Variants in ADAM23 observed in about 807,000 individuals in gnomAD.
The protein encoded by ADAM23 is disintegrin and metalloproteinase domain-containing protein 23.
In ADAM23, 33 loss-of-function variants were observed where a neutral mutation model predicts 120.1. The ratio of observed to expected loss-of-function variants is 0.27; its 90% CI spans 0.21 to 0.37. The LOEUF is 0.37. Among genes scored for constraint, ADAM23 ranks in the 10% least tolerant of loss-of-function variants. The pLI, the probability that ADAM23 is intolerant of heterozygous loss-of-function variation, is 1.00. For missense variants in ADAM23, 862 were observed against 1,058.2 expected (o/e 0.81, Z 2.57); for synonymous variants, 367 against 375.2 (o/e 0.98, Z 0.25).
At chr2:206,542,951 G>A (rs1697322552) in intron 5 of ADAM23, among the ~76,000 whole-genome samples, 1 of 152,122 alleles carries the variant, frequency 6.6e-6, no homozygotes, top group Admixed American at 6.5e-5. Context: ...TGAGTGAATA[G>A]TCCTATCTCA....
chr2:206,466,616 C>T (rs1695546619), intron 2 of ADAM23, among the ~76,000 whole-genome samples: 1 of 152,126 alleles, frequency 6.6e-6, no homozygotes, highest in Non-Finnish European at 1.5e-5. Flanking sequence ...CTCACTTGTC[C>T]ATTACTACGA....
chr2:206,530,508 C>T (rs1697030557), intron 3 of ADAM23, among the ~76,000 whole-genome samples: 1 of 151,792 alleles, frequency 6.6e-6, no homozygotes, highest in Non-Finnish European at 1.5e-5. Context: ...CAATCAGATC[C>T]TGAATAATGT....
At chr2:206,520,029 T>C (rs1363732492) in intron 3 of ADAM23, among the ~76,000 whole-genome samples, 1 of 151,934 alleles carries the variant, frequency 6.6e-6, no homozygotes, top group Non-Finnish European at 1.5e-5. Flanking sequence ...AAATAAAAAA[T>C]AAAAAGGAGC....
chr2:206,546,168 C>G (rs1442652423), intron 6 of ADAM23, among the ~76,000 whole-genome samples: 2 of 152,100 alleles, frequency 1.3e-5, no homozygotes, highest in African/African-American at 4.8e-5. Flanking sequence ...TGTTGCCTAC[C>G]TTTTGGTTAT....
At chr2:206,467,068 C>G (rs1695556339) in intron 2 of ADAM23, among the ~76,000 whole-genome samples, 1 of 150,748 alleles carries the variant, frequency 6.6e-6, no homozygotes, top group Non-Finnish European at 1.5e-5. Context: ...AATCACCTCC[C>G]AACAGTCCAC....
chr2:206,540,547 A>G (rs1287942077), intron 4 of ADAM23, among the ~76,000 whole-genome samples: 1 of 152,148 alleles, frequency 6.6e-6, no homozygotes, highest in East Asian at 1.9e-4. Context: ...ACCCACCAAT[A>G]CAAAGACAGG....
intron 3 of ADAM23, among the ~76,000 whole-genome samples, chr2:206,489,761 G>C (rs1490322929): frequency 6.6e-6 from 1 of 152,164 alleles, no homozygotes; most frequent in Non-Finnish European, 1.5e-5. Context: ...CTTCACCGTG[G>C]CTGCTGTGGT....
intron 4 of ADAM23, 115 bp downstream of exon 4, chr2:206,531,063 A>G: frequency 2.8e-6 from 2 of 718,346 alleles, no homozygotes; most frequent in Non-Finnish European, 2.2e-6. Context: ...GTGCTCTTTT[A>G]CAATGATACT....
intron 2 of ADAM23, among the ~76,000 whole-genome samples, chr2:206,479,730 G>T (rs1316825141): frequency 1.3e-5 from 2 of 151,980 alleles, no homozygotes; most frequent in Non-Finnish European, 2.9e-5. Context: ...GATACAGGAA[G>T]CCCACAAGTA....
intron 2 of ADAM23, among the ~76,000 whole-genome samples, chr2:206,457,008 A>G (rs1045556697): frequency 6.6e-6 from 1 of 152,190 alleles, no homozygotes; most frequent in Admixed American, 6.5e-5. Context: ...ACCATATACT[A>G]TAATAGCTGT....
chr2:206,481,983 A>G (rs756300294), intron 3 of ADAM23, among the ~76,000 whole-genome samples: 1 of 152,190 alleles, frequency 6.6e-6, no homozygotes, highest in East Asian at 1.9e-4. Context: ...GAGATTTTCT[A>G]TGTGGTTTTC....
At chr2:206,609,833 C>A in intron 24 of ADAM23, 77 bp from the exon 25 acceptor site, 1 of 1,197,446 alleles carries the variant, frequency 8.4e-7, no homozygotes, top group Non-Finnish European at 1.2e-6. Flanking sequence ...CTTCCTGAAA[C>A]TGCTTAACTG....
chr2:206,477,893 A>ATATATATATATATATATATAT (rs1199167461), intron 2 of ADAM23, among the ~76,000 whole-genome samples: 47 of 101,370 alleles, frequency 4.6e-4, no homozygotes, highest in African/African-American at 1.5e-3. Flanking sequence ...AAAAAAAAAA[A>ATATATATATATATATATATAT]AAAAATATAT....
At chr2:206,538,374 T>G (rs558975268) in intron 4 of ADAM23, among the ~76,000 whole-genome samples, 8 of 152,320 alleles carry the variant, frequency 5.3e-5, no homozygotes, top group South Asian at 2.1e-4. Context: ...ATTTTTAAAA[T>G]AGTTTAGCAT....
intron 4 of ADAM23, among the ~76,000 whole-genome samples, chr2:206,537,406 A>C (rs1232914686): frequency 6.6e-6 from 1 of 151,864 alleles, no homozygotes; most frequent in East Asian, 1.9e-4. Flanking sequence ...TGTTCTGAAG[A>C]CCCTGTCCAG....
rs1422977957 is a variant in ADAM23 at position 206,443,899 on chromosome 2, G to A, written c.33G>A (p.Pro11=). Reference sequence around the variant, plus strand: ...CGCCCGGCAGCAGCTCGCGGCAGCCGCCCCTGGCGGGCTGCAGCCTTGCCG... The same window carrying A: ...CGCCCGGCAGCAGCTCGCGGCAGCCACCCCTGGCGGGCTGCAGCCTTGCCG... The part of the protein sequence containing the change: MKPPGSSSRQ[P]PLAGCSLAGA... The change falls in exon 1 of 26, where the codon CCG becomes CCA. Residue 11 remains proline, a synonymous_variant. Coordinates refer to ENST00000264377, the MANE Select transcript of ADAM23 (RefSeq NM_003812.4). 5.9e-6 allele frequency: 7 copies of A among 1,181,252 alleles called. No homozygotes were observed. In the African/African-American group the frequency reaches 8.1e-5, roughly 14 times the overall value. 73.2% of individuals were successfully genotyped at this position (1,181,252 alleles called of 1,614,324 possible). A position where few individuals can be genotyped will look rare whatever the true frequency, so the allele number is the denominator to read the frequency against.
Position 206,619,503 on chromosome 2 carries a change from T to G in ADAM23, c.*1876T>G, listed in dbSNP as rs1318855100. On this transcript the variant is annotated 3_prime_UTR_variant, in exon 26 of 26. Coordinates refer to ENST00000264377, the MANE Select transcript of ADAM23 (RefSeq NM_003812.4). ...GACTGTCCCAAAGAGCCCCTACTTC[T>G]CTAATGCCCCCCCCCTTTTTTTTTT... 8.2e-6 allele frequency: 1 copy of G among 121,436 alleles called. No individual in the cohort carries two copies. Among genetic ancestry groups the G allele is most frequent in the Non-Finnish European group, 1.8e-5 (1 of 56,948 alleles). The allele number at this position is 121,436 out of a possible 1,614,324, so 7.5% of individuals were successfully genotyped here.
intron 18 of ADAM23, among the ~76,000 whole-genome samples, chr2:206,585,015 C>T (rs1460023785): frequency 6.6e-6 from 1 of 152,166 alleles, no homozygotes; most frequent in East Asian, 1.9e-4. Context: ...TCAGCTTCTC[C>T]AGCGGGGGTG....
chr2:206,505,313 C>T (rs1370142805), intron 3 of ADAM23, among the ~76,000 whole-genome samples: 1 of 152,196 alleles, frequency 6.6e-6, no homozygotes. Flanking sequence ...GTTATAGTGT[C>T]CAAAGTGCCT....
Sources: gnomAD v4.1 joint callset for allele counts (sites outside exome capture counted in the v4.1 genomes callset) on GRCh38, gnomAD v4.1.1 for gene constraint, MANE v1.5 for transcripts, NCBI Gene and HGNC (gene_info 2026-07-23, HGNC 2026-07-21) for gene names.